Variants in CACNA2D1 observed in about 807,000 individuals in gnomAD.
The protein encoded by CACNA2D1 is calcium voltage-gated channel auxiliary subunit alpha2delta 1.
In CACNA2D1, 53 loss-of-function variants were observed where a neutral mutation model predicts 171.5. The ratio of observed to expected loss-of-function variants is 0.31; its 90% CI spans 0.25 to 0.39. The LOEUF (loss-of-function observed/expected upper bound fraction) is 0.39, where lower values mean the gene tolerates loss of function less well. CACNA2D1 is among the 10% of genes least tolerant of loss of function. The pLI, the probability that CACNA2D1 is intolerant of heterozygous loss-of-function variation, is 1.00. For synonymous variants in CACNA2D1, 442 were observed against 443.1 expected, an observed-to-expected ratio of 1.00 and a Z score of 0.03; for missense variants, 903 against 1,299.8, an observed-to-expected ratio of 0.69 and a Z score of 4.69.
chr7:82,137,431 A>G (rs1002872201), intron 4 of CACNA2D1, among the ~76,000 whole-genome samples: 17 of 152,192 alleles, frequency 1.1e-4, no homozygotes, highest in Non-Finnish European at 2.1e-4. Context: ...TATGTAGTGT[A>G]AAAATAATCC....
chr7:82,254,098 T>C (rs1028505615), intron 3 of CACNA2D1, among the ~76,000 whole-genome samples: 2 of 152,188 alleles, frequency 1.3e-5, no homozygotes, highest in African/African-American at 4.8e-5. Flanking sequence ...CATCGAATTA[T>C]ACATCATTAA....
At chr7:82,130,757 A>C (rs576792314) in intron 5 of CACNA2D1, among the ~76,000 whole-genome samples, 28 of 136,862 alleles carry the variant, frequency 2.0e-4, no homozygotes, top group Non-Finnish European at 4.2e-4. Context: ...TAGAAACTTT[A>C]TTTAGTGCTT....
rs182533876 is a variant in CACNA2D1, at chr7:82,426,951, C to T, written c.95+16414G>A. The stretch of plus-strand genomic sequence containing the variant: ...CTTTTATTACAGTGTATTGTTATAA[C>T]TGTTCCATTTTATTAGTTGTTTTAA... On this transcript the variant is annotated intron_variant, in intron 1 of 38. Coordinates refer to ENST00000356860, the MANE Select transcript of CACNA2D1 (RefSeq NM_000722.4). Among the ~76,000 whole-genome samples, 5 of 152,306 alleles carry T rather than the reference C, an allele frequency of 3.3e-5. No homozygotes were observed. In the East Asian group the frequency reaches 7.7e-4, roughly 24 times the overall value.
At chr7:81,955,869 C>T (rs1450771131) in intron 38 of CACNA2D1, among the ~76,000 whole-genome samples, 2 of 112,038 alleles carry the variant, frequency 1.8e-5, no homozygotes, top group East Asian at 2.7e-4. Context: ...AATTATAGTT[C>T]AAGGAAAGTA....
chr7:82,054,177 T>C (rs1399485794), intron 10 of CACNA2D1, among the ~76,000 whole-genome samples: 5 of 152,352 alleles, frequency 3.3e-5, no homozygotes, highest in Admixed American at 6.5e-5. Context: ...GTTGACAGTA[T>C]AAAATTCATT....
chr7:82,403,703 C>T (rs918053112), intron 1 of CACNA2D1, among the ~76,000 whole-genome samples: 2 of 152,140 alleles, frequency 1.3e-5, no homozygotes, highest in African/African-American at 4.8e-5. Flanking sequence ...GAATCAGCAC[C>T]CCTACCCCAA....
At chr7:82,394,484 G>A (rs1193985234) in intron 1 of CACNA2D1, among the ~76,000 whole-genome samples, 1 of 152,132 alleles carries the variant, frequency 6.6e-6, no homozygotes, top group Non-Finnish European at 1.5e-5. Context: ...GACAGATGGA[G>A]ATGGATAGAT....
At chr7:82,073,799 T>C (rs183585318) in intron 7 of CACNA2D1, among the ~76,000 whole-genome samples, 179 of 152,048 alleles carry the variant, frequency 1.2e-3, no homozygotes, top group African/African-American at 4.2e-3. Flanking sequence ...CGGGGTTTCA[T>C]CATGTTGACC....
intron 21 of CACNA2D1, among the ~76,000 whole-genome samples, chr7:81,985,196 C>CTT (rs774555240): frequency 0.26 from 27,501 of 104,042 alleles, 4,320 homozygotes; most frequent in African/African-American, 0.31. Flanking sequence ...ATTATCATTA[C>CTT]TTTTTTTTTT....
intron 6 of CACNA2D1, among the ~76,000 whole-genome samples, chr7:82,107,873 C>T (rs771973095): frequency 3.9e-5 from 6 of 152,022 alleles, no homozygotes; most frequent in South Asian, 2.1e-4. Context: ...CATTAGCGTC[C>T]GCGCCCAGCC....
chr7:82,306,250 T>C (rs777929904), intron 3 of CACNA2D1, among the ~76,000 whole-genome samples: 1 of 152,182 alleles, frequency 6.6e-6, no homozygotes, highest in Non-Finnish European at 1.5e-5. Context: ...TTTGGGGTCA[T>C]GTCTGGTAGC....
intron 3 of CACNA2D1, among the ~76,000 whole-genome samples, chr7:82,307,230 C>A (rs924253379): frequency 3.8e-4 from 58 of 152,078 alleles, no homozygotes; most frequent in African/African-American, 1.4e-3. Flanking sequence ...CCATCTCACT[C>A]ACTACAACCA....
At chr7:82,262,148 G>A (rs1344479586) in intron 3 of CACNA2D1, among the ~76,000 whole-genome samples, 3 of 152,140 alleles carry the variant, frequency 2.0e-5, no homozygotes, top group South Asian at 2.1e-4. Flanking sequence ...TGGCTAACAC[G>A]GTGAAACCCC....
chr7:82,228,089 T>C (rs1466057423), intron 3 of CACNA2D1, among the ~76,000 whole-genome samples: 1 of 152,116 alleles, frequency 6.6e-6, no homozygotes, highest in African/African-American at 2.4e-5. Context: ...CAGATGTAAT[T>C]AAGGTTCCTA....
At chr7:82,018,814 T>C (rs1453691533) in intron 12 of CACNA2D1, among the ~76,000 whole-genome samples, 1 of 151,570 alleles carries the variant, frequency 6.6e-6, no homozygotes, top group Non-Finnish European at 1.5e-5. Context: ...GAGACCCCCA[T>C]CTCTACTAAA....
intron 20 of CACNA2D1, among the ~76,000 whole-genome samples, chr7:81,993,648 T>C (rs1003112910): frequency 5.3e-5 from 8 of 152,126 alleles, no homozygotes; most frequent in Non-Finnish European, 1.2e-4. Flanking sequence ...TAGTCATTCA[T>C]AGAATAAATA....
At chr7:82,312,677 C>A (rs1814623749) in intron 3 of CACNA2D1, among the ~76,000 whole-genome samples, 2 of 149,464 alleles carry the variant, frequency 1.3e-5, no homozygotes, top group South Asian at 4.2e-4. Context: ...CTACCATGCC[C>A]AGCTAATTTT....
chr7:82,249,677 A>G (rs1805390838), intron 3 of CACNA2D1, among the ~76,000 whole-genome samples: 1 of 152,212 alleles, frequency 6.6e-6, no homozygotes, highest in African/African-American at 2.4e-5. Context: ...CCATCAAACA[A>G]TAATACTGAA....
chr7:82,355,861 TC>T (rs1820362865), intron 1 of CACNA2D1, among the ~76,000 whole-genome samples: 1 of 152,098 alleles, frequency 6.6e-6, no homozygotes, highest in Admixed American at 6.6e-5. Flanking sequence ...AAATCTGAGC[TC>T]CAGTTCTATC....
Sources: allele counts gnomAD v4.1 joint callset (sites outside exome capture counted in the v4.1 genomes callset), GRCh38; gene constraint gnomAD v4.1.1; transcripts MANE v1.5; gene names NCBI Gene and HGNC (gene_info 2026-07-23, HGNC 2026-07-21).